The following PKD1 variants were observed in gnomAD, a reference collection of about 807,000 sequenced individuals.
PKD1 encodes the protein polycystin 1, transient receptor potential channel interacting.
In PKD1, 81 loss-of-function variants were observed where a neutral mutation model predicts 361.7. That is an observed-to-expected ratio of 0.22 (90% confidence interval 0.19 to 0.27). The LOEUF (loss-of-function observed/expected upper bound fraction) is 0.27. PKD1 is among the 10% of genes least tolerant of loss of function. PKD1 has a pLI of 1.00. For missense variants in PKD1, 6,399 were observed against 6,118.3 expected (o/e 1.05, Z -1.53); for synonymous variants, 3,615 against 2,818.3 (o/e 1.28, Z -8.95).
chr16:2,096,937 G>C (rs1337772309), intron 34 of PKD1: 2 of 596,052 alleles, frequency 3.4e-6, no homozygotes, highest in East Asian at 5.5e-5. Flanking sequence ...CCATGAGCCT[G>C]CTCCCTCCCT....
rs567880403 is a variant in PKD1 at position 2,088,839 on chromosome 16, G to A, written c.*888C>T. 4 of 601,424 alleles carry A rather than the reference G, an allele frequency of 6.7e-6. No individual in the cohort carries two copies. Among genetic ancestry groups the A allele is most frequent in the Non-Finnish European group, 1.2e-5 (4 of 343,772 alleles). The allele number at this position is 601,424 out of a possible 1,614,324, so 37.3% of individuals were successfully genotyped here. A position where few individuals can be genotyped will look rare whatever the true frequency, so the allele number is the denominator to read the frequency against. ...AGGCACAGCCAGCTCCGAGGGCCTT[G>A]AGGCTGCCTGGGCCATACAGCACAC... On this transcript the variant is annotated 3_prime_UTR_variant, in exon 46 of 46. Transcript: ENST00000262304.
At chr16:2,104,722 C>G in intron 21 of PKD1, 80 bp from the exon 22 acceptor site, 1 of 789,514 alleles carries the variant, frequency 1.3e-6, no homozygotes, top group Non-Finnish European at 2.1e-6. Context: ...GGGTCCTCAC[C>G]TGGCTCCCAC....
intron 24 of PKD1, 49 bp downstream of exon 24, chr16:2,102,765 G>C: frequency 1.2e-6 from 2 of 1,608,396 alleles, no homozygotes; most frequent in Non-Finnish European, 1.7e-6. Flanking sequence ...AGGCAATGCT[G>C]ACCCATGATG....
intron 32 of PKD1, 72 bp downstream of exon 32, chr16:2,097,656 C>A: frequency 6.2e-7 from 1 of 1,610,684 alleles, no homozygotes; most frequent in Middle Eastern, 2.3e-4. Context: ...CAAGGACACG[C>A]AGCCCGCACA....
chr16:2,097,895 G>T lies in PKD1; in HGVS notation c.10140C>A (p.Phe3380Leu), dbSNP rs1344216597. Residue 3380 changes from phenylalanine (F) to leucine (L), a missense_variant, in exon 31 of 46, where the codon TTC becomes TTA. Phe to Leu is a conservative substitution (Grantham distance 22). Coordinates refer to ENST00000262304, the MANE Select transcript of PKD1 (RefSeq NM_001009944.3). ...CLDSSVLDSS[F>L]LTFSGLHAEQ... The stretch of plus-strand genomic sequence containing the variant: ...CAGCGTGGAGGCCTGAGAACGTGAG[G>T]AAGGAGCTGTCCAGCACGGACGAGT... The T allele has an allele frequency of 3.1e-6, 5 of 1,605,010 alleles. No individual in the cohort carries two copies. Among genetic ancestry groups the T allele is most frequent in the Middle Eastern group, 2.3e-4 (1 of 4,418 alleles).
rs12926160 is a variant in PKD1 at position 2,102,128 on chromosome 16, A to C, written c.9330T>G (p.Pro3110=). 4.5e-6 allele frequency: 7 copies of C among 1,543,676 alleles called. 1 individual carries two copies. The African/African-American group carries it at 1.1e-4, about 23-fold the overall frequency. ...TGAAGCGGCCCCGCTGCCCACAGAA[A>C]GGGATGGCGCGGCCCCGGCTGGCAT... The part of the protein sequence containing the change: ...QLDASRGRAI[P]FCGQRGRFKY... The change falls in exon 26 of 46, where the codon CCT becomes CCG. Residue 3110 remains proline (P), a synonymous_variant. Coordinates refer to ENST00000262304, the MANE Select transcript of PKD1 (RefSeq NM_001009944.3).
chr16:2,123,566 A>G, intron 1 of PKD1: 1 of 439,338 alleles, frequency 2.3e-6, no homozygotes, highest in Non-Finnish European at 4.5e-6. Context: ...CAGCCCCCCC[A>G]CCCCGCCCCT....
Position 2,097,234 on chromosome 16 carries a change from GTCT to G in PKD1, c.10410_10412del (p.Glu3470del), listed in dbSNP as rs1474724672. On this transcript the variant is annotated inframe_deletion, in exon 34 of 46. Transcript: ENST00000262304. ...CCTCGGCAAGGACCTGCTGGATCAG[GTCT>G]TCATCTAGAGGTACAGGAGGCATAG... 1 of 1,585,692 alleles carries G rather than the reference GTCT, an allele frequency of 6.3e-7. No homozygotes were observed. Among genetic ancestry groups the G allele is most frequent in the Non-Finnish European group, 8.6e-7 (1 of 1,166,122 alleles).
chr16:2,130,751 G>A (rs998373341), intron 1 of PKD1, among the ~76,000 whole-genome samples: 3 of 152,284 alleles, frequency 2.0e-5, no homozygotes, highest in South Asian at 2.1e-4. Flanking sequence ...CGGGGTCTGC[G>A]CCTGCTGTCC....
rs1318567930 is a variant in PKD1, at chr16:2,106,362, G to T, written c.7489+36C>A. On this transcript the variant is annotated intron_variant, in intron 18 of 45. Coordinates refer to ENST00000262304, the MANE Select transcript of PKD1 (RefSeq NM_001009944.3). This position sits in a 1 kb window ranked among gnomAD's most constrained non-coding sequence, Gnocchi z 6.5. ...GCTCCGTGACGTCACAGAGTCGGGG[G>T]ATCCCGCTGCTCCCCCCACGCAGGC... is the stretch of plus-strand genomic sequence containing the variant. 4 of 1,598,960 alleles carry T rather than the reference G, an allele frequency of 2.5e-6. No individual in the cohort carries two copies. Among genetic ancestry groups the T allele is most frequent in the Admixed American group, 1.7e-5 (1 of 58,224 alleles).
chr16:2,126,220 G>A (rs987868484), intron 1 of PKD1, among the ~76,000 whole-genome samples: 4 of 152,254 alleles, frequency 2.6e-5, no homozygotes, highest in African/African-American at 9.6e-5. Flanking sequence ...TCCCACAGCT[G>A]TGACGTTCCC....
rs745338344 is a variant in PKD1, at chr16:2,104,598, C to T, written c.8061G>A (p.Thr2687=). ...ELVCRSCLKQ[T]LHKLEAMMLI... ...GCATCATGGCCTCCAGCTTGTGCAGCGTCTGCTTCAGGCACGAGCGGCATA... is the reference window on the plus strand; with the variant it reads ...GCATCATGGCCTCCAGCTTGTGCAGTGTCTGCTTCAGGCACGAGCGGCATA... Residue 2687 remains threonine (T), a synonymous_variant, in exon 22 of 46, where the codon ACG becomes ACA. Coordinates refer to ENST00000262304, the MANE Select transcript of PKD1 (RefSeq NM_001009944.3). 19 of 1,595,770 alleles carry T rather than the reference C, an allele frequency of 1.2e-5. No homozygotes were observed. Among genetic ancestry groups the T allele is most frequent in the African/African-American group, 8.2e-5 (6 of 73,224 alleles).
rs759502582 is a variant in PKD1, at chr16:2,111,667, G to A, written c.3500C>T (p.Ser1167Phe). ...CGGCTGGCTCTGGGTCAGGACAGGG[G>A]AGCCGTCCCCGAAGTCCCACGTGTA... ...VLYTWDFGDG[S>F]PVLTQSQPAA... Residue 1167 changes from serine (S) to phenylalanine (F), a missense_variant, in exon 15 of 46, where the codon TCC becomes TTC. Ser to Phe is a radical substitution (Grantham distance 155, BLOSUM62 -2). Transcript: ENST00000262304. 5.7e-6 allele frequency: 9 copies of A among 1,575,412 alleles called. No homozygotes were observed. Among genetic ancestry groups the A allele is most frequent in the Non-Finnish European group, 6.0e-6 (7 of 1,162,006 alleles).
rs145191696 is a variant in PKD1, at chr16:2,092,529, G to C, written c.11220C>G (p.Ser3740=). Residue 3740 remains serine (S), a synonymous_variant, in exon 39 of 46, where the codon TCC becomes TCG. Transcript: ENST00000262304. ...GCCGTGGGGGCCCCAGCTCTGGGCTGGACTGGTTCCCGTGGACGTAGGGCA... is the reference window on the plus strand; with the variant it reads ...GCCGTGGGGGCCCCAGCTCTGGGCTCGACTGGTTCCCGTGGACGTAGGGCA... ...VLLPYVHGNQ[S]SPELGPPRLR... is the part of the protein sequence containing the mutation. 17 of 1,612,590 alleles carry C rather than the reference G, an allele frequency of 1.1e-5. No individual in the cohort carries two copies. Among genetic ancestry groups the C allele is most frequent in the Non-Finnish European group, 1.4e-5 (16 of 1,179,872 alleles).
chr16:2,123,586 T>C, intron 1 of PKD1: 1 of 443,554 alleles, frequency 2.3e-6, no homozygotes, highest in Non-Finnish European at 4.5e-6. Context: ...TCGGGCTTCC[T>C]CTGCACCCGC....
In PKD1 at chr16:2,097,253, G is replaced by C; in HGVS notation, c.10406-12C>G. On this transcript the variant is annotated splice_polypyrimidine_tract_variant and intron_variant, in intron 33 of 45. Transcript: ENST00000262304. Reference sequence around the variant, plus strand: ...GATCAGGTCTTCATCTAGAGGTACAGGAGGCATAGGGTGGGCCCAGCTGCA... The same window carrying C: ...GATCAGGTCTTCATCTAGAGGTACACGAGGCATAGGGTGGGCCCAGCTGCA... The C allele has an allele frequency of 6.3e-7, 1 of 1,596,570 alleles. No individual in the cohort carries two copies. Among genetic ancestry groups the C allele is most frequent in the Non-Finnish European group, 8.5e-7 (1 of 1,171,754 alleles).
Position 2,109,908 on chromosome 16 carries a change from G to A in PKD1, c.5259C>T (p.Ser1753=). ...AGGSGVVYTW[S]LEEGLSWETS... Reference sequence around the variant, plus strand: ...TCTCCCAGCTCAGCCCCTCCTCCAAGGACCAAGTGTATACGACACCACTGC... The same window carrying A: ...TCTCCCAGCTCAGCCCCTCCTCCAAAGACCAAGTGTATACGACACCACTGC... Residue 1753 remains serine, a synonymous_variant, in exon 15 of 46, where the codon TCC becomes TCT. Coordinates refer to ENST00000262304, the MANE Select transcript of PKD1 (RefSeq NM_001009944.3). 6.2e-7 allele frequency: 1 copy of A among 1,610,590 alleles called. No individual in the cohort carries two copies. Among genetic ancestry groups the A allele is most frequent in the Non-Finnish European group, 8.5e-7 (1 of 1,179,752 alleles).
intron 1 of PKD1, among the ~76,000 whole-genome samples, chr16:2,131,504 T>C (rs530960145): frequency 6.7e-6 from 1 of 149,576 alleles, no homozygotes; most frequent in Admixed American, 6.7e-5. Flanking sequence ...TGAGACTCCA[T>C]CTCAAATAAT....
rs185546545 is a variant in PKD1, at chr16:2,099,575, C to T, written c.10050+69G>A. 1,006 of 1,476,600 alleles carry T rather than the reference C, an allele frequency of 6.8e-4. 3 individuals are homozygous for T. The African/African-American group carries it at 0.013, about 18-fold the overall frequency. The allele number at this position is 1,476,600 out of a possible 1,614,324, so 91.5% of individuals were successfully genotyped here. On this transcript the variant is annotated intron_variant, in intron 30 of 45. Coordinates refer to ENST00000262304, the MANE Select transcript of PKD1 (RefSeq NM_001009944.3). ...CTCTGGCTGCAGCACTGGAAAGTGG[C>T]GGCCCTAGGCATGGTGCCGAGGCCC...
Sources: allele counts gnomAD v4.1 joint callset (sites outside exome capture counted in the v4.1 genomes callset), GRCh38; gene constraint gnomAD v4.1.1; non-coding constraint Gnocchi (gnomAD v3.1); transcripts MANE v1.5; gene names NCBI Gene and HGNC (gene_info 2026-07-23, HGNC 2026-07-21).